Variants in NREP observed in about 807,000 individuals in gnomAD.
NREP encodes the protein neuronal regeneration-related protein.
In NREP, 5 loss-of-function variants were observed where a neutral mutation model predicts 8.6. The ratio of observed to expected loss-of-function variants is 0.58; its 90% CI spans 0.30 to 1.22. The LOEUF (loss-of-function observed/expected upper bound fraction) is 1.22, where lower values mean the gene tolerates loss of function less well. Ranked by LOEUF, NREP falls within the 50% of genes most tolerant of loss-of-function variation. The pLI, the probability that NREP is intolerant of heterozygous loss-of-function variation, is 0.07. For missense variants in NREP, 86 were observed against 82.5 expected (o/e 1.04, Z -0.17); for synonymous variants, 27 against 28.0 (o/e 0.96, Z 0.11).
chr5:111,940,315 G>C (rs1755796945), intron 2 of NREP, among the ~76,000 whole-genome samples: 1 of 151,992 alleles, frequency 6.6e-6, no homozygotes, highest in Non-Finnish European at 1.5e-5. Context: ...AACAGTTCTT[G>C]AAATACTGTT....
intron 2 of NREP, among the ~76,000 whole-genome samples, chr5:111,792,755 G>T (rs994836641): frequency 6.6e-6 from 1 of 152,180 alleles, no homozygotes; most frequent in African/African-American, 2.4e-5. Context: ...TGAGAAAATA[G>T]AAAGAAATTG....
chr5:111,914,926 G>T (rs1202793316), intron 2 of NREP, among the ~76,000 whole-genome samples: 1 of 152,060 alleles, frequency 6.6e-6, no homozygotes, highest in South Asian at 2.1e-4. Context: ...TCAAAATCTT[G>T]CTCTTCTTTT....
chr5:111,884,151 G>A lies in NREP; in HGVS notation c.135+91123C>T, dbSNP rs558430586. ...AAATGATAAAGGGGATATCACCACC[G>A]ATCCCACAGAAATACAAACTACCAT... On this transcript the variant is annotated intron_variant, in intron 2 of 3. Transcript: ENST00000395634. Among the ~76,000 whole-genome samples the A allele has an allele frequency of 2.6e-3, 402 of 151,804 alleles. 1 individual carries two copies. Among genetic ancestry groups the A allele is most frequent in the African/African-American group, 8.7e-3 (359 of 41,406 alleles).
At chr5:111,861,590 T>C (rs1753545197) in intron 2 of NREP, among the ~76,000 whole-genome samples, 1 of 152,148 alleles carries the variant, frequency 6.6e-6, no homozygotes, top group South Asian at 2.1e-4. Flanking sequence ...TACTGTGTCA[T>C]TTTATGATTA....
intron 2 of NREP, among the ~76,000 whole-genome samples, chr5:111,789,679 A>G (rs1751695552): frequency 6.6e-6 from 1 of 152,166 alleles, no homozygotes; most frequent in African/African-American, 2.4e-5. Context: ...ACAGCTGTAG[A>G]TTCTCTTTCT....
chr5:111,957,105 TA>T (rs1172882118), intron 2 of NREP, among the ~76,000 whole-genome samples: 1 of 149,718 alleles, frequency 6.7e-6, no homozygotes, highest in Non-Finnish European at 1.5e-5. Context: ...CTGTTACTAA[TA>T]AATAACAATT....
chr5:111,819,161 C>A (rs1752459979), intron 2 of NREP, among the ~76,000 whole-genome samples: 1 of 152,208 alleles, frequency 6.6e-6, no homozygotes, highest in African/African-American at 2.4e-5. Context: ...TAGTTCATAT[C>A]TGTTCCTCTG....
chr5:111,904,889 C>G (rs1427708283), intron 2 of NREP, among the ~76,000 whole-genome samples: 3 of 152,116 alleles, frequency 2.0e-5, no homozygotes, highest in Non-Finnish European at 4.4e-5. Context: ...CTCTCAGGCT[C>G]ATTCAGCTCT....
chr5:111,824,330 C>A (rs1018859215), intron 2 of NREP, among the ~76,000 whole-genome samples: 3 of 152,196 alleles, frequency 2.0e-5, no homozygotes, highest in Non-Finnish European at 4.4e-5. Context: ...AATCACGCCA[C>A]TGCACTCCAG....
At chr5:111,886,334 G>C (rs1040943850) in intron 2 of NREP, among the ~76,000 whole-genome samples, 11 of 151,950 alleles carry the variant, frequency 7.2e-5, no homozygotes, top group South Asian at 2.1e-4. Context: ...AGGTGCTGGA[G>C]AGGATGTGGA....
intron 2 of NREP, among the ~76,000 whole-genome samples, chr5:111,946,341 TG>T (rs1755982796): frequency 1.3e-5 from 2 of 152,154 alleles, no homozygotes; most frequent in South Asian, 4.1e-4. Context: ...GGCAAATGTT[TG>T]AAGTGTGGGC....
chr5:111,861,744 T>A (rs1440518028), intron 2 of NREP, among the ~76,000 whole-genome samples: 2 of 152,170 alleles, frequency 1.3e-5, no homozygotes, highest in African/African-American at 4.8e-5. Context: ...ATAGCTTGGA[T>A]ATAGTAGGTA....
intron 2 of NREP, among the ~76,000 whole-genome samples, chr5:111,818,799 G>C (rs760279972): frequency 2.0e-5 from 3 of 152,108 alleles, no homozygotes; most frequent in Non-Finnish European, 4.4e-5. Context: ...AAAAACTGTA[G>C]TATTTTTGTA....
In NREP at chr5:111,734,759, T is replaced by A. The variant is rs1748946771; in HGVS notation, c.81+671A>T. On this transcript the variant is annotated intron_variant, in intron 3 of 3. Transcript: ENST00000257435. ...CTTTCTTAACTGCAAAATCAGCAAG[T>A]CATTGGTTAAAAAGTATACTCTCCC... 5 of 699,356 alleles carry A rather than the reference T, an allele frequency of 7.1e-6. No homozygotes were observed. In the Middle Eastern group the frequency reaches 6.9e-4, roughly 96 times the overall value. 43.3% of individuals were successfully genotyped at this position (699,356 alleles called of 1,614,324 possible).
intron 2 of NREP, among the ~76,000 whole-genome samples, chr5:111,938,861 G>C (rs921282658): frequency 2.0e-5 from 3 of 152,096 alleles, no homozygotes; most frequent in South Asian, 2.1e-4. Flanking sequence ...CTTTTGACAA[G>C]CAATTAAGAT....
chr5:111,792,588 C>T (rs1751776793), intron 2 of NREP, among the ~76,000 whole-genome samples: 1 of 152,154 alleles, frequency 6.6e-6, no homozygotes, highest in South Asian at 2.1e-4. Flanking sequence ...AAGAGTGAAG[C>T]AGTTTTCTCA....
chr5:111,808,467 C>G (rs2112911459), intron 2 of NREP, among the ~76,000 whole-genome samples: 1 of 152,352 alleles, frequency 6.6e-6, no homozygotes, highest in East Asian at 1.9e-4. Flanking sequence ...CTAACTTTAT[C>G]AAGTCCCATC....
At chr5:111,842,920 G>A (rs529437939) in intron 2 of NREP, among the ~76,000 whole-genome samples, 38 of 152,058 alleles carry the variant, frequency 2.5e-4, no homozygotes, top group African/African-American at 7.2e-4. Context: ...AGAAATCCAC[G>A]GATAGTTTTT....
chr5:111,947,374 C>T (rs1756017960), intron 2 of NREP, among the ~76,000 whole-genome samples: 1 of 151,826 alleles, frequency 6.6e-6, no homozygotes, highest in African/African-American at 2.4e-5. Flanking sequence ...AGAAATATGA[C>T]ATAATAAATA....
Sources: gnomAD v4.1 joint callset for allele counts (sites outside exome capture counted in the v4.1 genomes callset) on GRCh38, gnomAD v4.1.1 for gene constraint, MANE v1.5 for transcripts, NCBI Gene and HGNC (gene_info 2026-07-23, HGNC 2026-07-21) for gene names.